The following BAIAP2L1 variants were observed in gnomAD, a reference collection of about 807,000 sequenced individuals.
BAIAP2L1 encodes the protein BAR/IMD domain containing adaptor protein 2 like 1.
In BAIAP2L1, 35 loss-of-function variants were observed where a neutral mutation model predicts 66.3. The ratio of observed to expected loss-of-function variants is 0.53; its 90% confidence interval spans 0.40 to 0.70. BAIAP2L1 has a LOEUF of 0.70. Among genes scored for constraint, BAIAP2L1 ranks in the 30% least tolerant of loss-of-function variants. The pLI, the probability that BAIAP2L1 is intolerant of heterozygous loss-of-function variation, is 0.00. For missense variants in BAIAP2L1, 622 were observed against 656.9 expected (o/e 0.95, Z 0.58); for synonymous variants, 269 against 248.7 (o/e 1.08, Z -0.77).
chr7:98,300,271 C>T (rs1800366318), intron 12 of BAIAP2L1, among the ~76,000 whole-genome samples: 1 of 152,132 alleles, frequency 6.6e-6, no homozygotes, highest in Non-Finnish European at 1.5e-5. Context: ...TCCCCCTGCT[C>T]CCTGCTCCCG....
chr7:98,349,601 A>G (rs916605385), intron 3 of BAIAP2L1, among the ~76,000 whole-genome samples: 1 of 151,974 alleles, frequency 6.6e-6, no homozygotes, highest in Admixed American at 6.6e-5. Context: ...GCCTGGGTGC[A>G]GTGGTTCACA....
intron 1 of BAIAP2L1, among the ~76,000 whole-genome samples, chr7:98,392,409 C>A (rs564196124): frequency 3.3e-5 from 5 of 152,076 alleles, no homozygotes; most frequent in Admixed American, 3.3e-4. Flanking sequence ...ACCATGCAGA[C>A]AACAGCATCA....
intron 1 of BAIAP2L1, among the ~76,000 whole-genome samples, chr7:98,396,181 C>T (rs1803204261): frequency 6.6e-6 from 1 of 152,082 alleles, no homozygotes; most frequent in African/African-American, 2.4e-5. Flanking sequence ...GTGATCCTCC[C>T]ACCTCAGCCT....
At chr7:98,328,947 A>G (rs538144219) in intron 3 of BAIAP2L1, among the ~76,000 whole-genome samples, 5 of 152,304 alleles carry the variant, frequency 3.3e-5, no homozygotes, top group Admixed American at 2.6e-4. Flanking sequence ...AAGGGAACAT[A>G]CCTGTAGAGT....
chr7:98,310,518 G>T lies in BAIAP2L1; in HGVS notation c.882C>A (p.Thr294=), dbSNP rs1485018811. The T allele has an allele frequency of 1.2e-6, 2 of 1,605,350 alleles. No homozygotes were observed. The highest frequency in any genetic ancestry group is 8.5e-7 in the Non-Finnish European group (1 of 1,177,334). The change falls in exon 9 of 14, where the codon ACC becomes ACA. Residue 294 remains threonine (T), a synonymous_variant. Transcript: ENST00000005260. ...MPPAPSGRAY[T]SPLIDMFNNP... ...TATTAAACATATCGATCAAGGGACT[G>T]GTATATGCTCTGCCTGAAGGAGCGG...
At chr7:98,360,175 G>A (rs1479215496) in intron 2 of BAIAP2L1, among the ~76,000 whole-genome samples, 2 of 151,968 alleles carry the variant, frequency 1.3e-5, no homozygotes, top group African/African-American at 4.8e-5. Flanking sequence ...TGCCCACCTC[G>A]GCCTCCCAAA....
chr7:98,331,609 C>G (rs1801497503), intron 3 of BAIAP2L1, among the ~76,000 whole-genome samples: 1 of 151,574 alleles, frequency 6.6e-6, no homozygotes. Flanking sequence ...GCTGGGATTA[C>G]AGGCATGCAC....
chr7:98,390,965 C>G (rs972200760), intron 1 of BAIAP2L1, among the ~76,000 whole-genome samples: 1 of 151,140 alleles, frequency 6.6e-6, no homozygotes, highest in Non-Finnish European at 1.5e-5. Context: ...TCTGGAGTAG[C>G]TGGGACTACA....
chr7:98,367,534 C>CT (rs1380227043), intron 1 of BAIAP2L1, among the ~76,000 whole-genome samples: 29,115 of 114,058 alleles, frequency 0.26, 4,478 homozygotes, highest in East Asian at 0.41. Flanking sequence ...CCACACCTGG[C>CT]TTTTTTTTTT....
intron 1 of BAIAP2L1, among the ~76,000 whole-genome samples, chr7:98,394,544 C>T (rs571871877): frequency 9.2e-5 from 14 of 152,040 alleles, no homozygotes; most frequent in African/African-American, 3.4e-4. Context: ...TTTGCACATA[C>T]CCACAGGAAT....
In BAIAP2L1 at chr7:98,304,266, C is replaced by T; in HGVS notation, c.1352G>A (p.Arg451Lys). 6.2e-7 allele frequency: 1 copy of T among 1,613,668 alleles called. No individual in the cohort carries two copies. Among genetic ancestry groups the T allele is most frequent in the East Asian group, 2.2e-5 (1 of 44,842 alleles). The part of the protein sequence containing the change: ...ECLSMGAAAD[R>K]RADSARTTST... ...TGTCGTCCTGGCCGAATCTGCTCTC[C>T]TGTCGGCAGCTGCCCCCATGGACAA... Residue 451 changes from arginine to lysine, a missense_variant, in exon 12 of 14, where the codon AGG becomes AAG. Arg to Lys is a conservative substitution (Grantham distance 26, BLOSUM62 2). Transcript: ENST00000005260.
intron 2 of BAIAP2L1, among the ~76,000 whole-genome samples, chr7:98,359,523 G>A (rs771223648): frequency 2.0e-5 from 3 of 152,022 alleles, no homozygotes; most frequent in African/African-American, 4.8e-5. Flanking sequence ...CGCCCGCTTC[G>A]GCCTCCCAGT....
At chr7:98,337,713 C>T (rs1801646051) in intron 3 of BAIAP2L1, among the ~76,000 whole-genome samples, 1 of 151,936 alleles carries the variant, frequency 6.6e-6, no homozygotes, top group African/African-American at 2.4e-5. Context: ...GTCAGGAGTT[C>T]GAGACCAGCC....
At chr7:98,344,547 T>C (rs898141209) in intron 3 of BAIAP2L1, among the ~76,000 whole-genome samples, 2 of 152,232 alleles carry the variant, frequency 1.3e-5, no homozygotes, top group African/African-American at 4.8e-5. Context: ...AATGTAGGTC[T>C]GACAGATTTG....
intron 1 of BAIAP2L1, chr7:98,399,927 G>A (rs1376409749): frequency 6.6e-6 from 1 of 152,182 alleles, no homozygotes; most frequent in African/African-American, 2.4e-5. Context: ...GGTGGGAGAG[G>A]AAGGGTCTAA....
chr7:98,357,043 ATATATATTTTT>A (rs1195943320), intron 2 of BAIAP2L1, among the ~76,000 whole-genome samples: 4 of 16,762 alleles, frequency 2.4e-4, no homozygotes, highest in East Asian at 2.6e-3. Context: ...ATATATATAT[ATATATATTTTT>A]TTTTTTTTTT....
chr7:98,386,644 C>CT lies in BAIAP2L1; in HGVS notation c.51+14157dup, dbSNP rs909391686. 1.5e-4 allele frequency: 166 copies of CT among 1,105,124 alleles called. 1 individual carries two copies. The highest frequency in any genetic ancestry group is 7.9e-4 in the African/African-American group (47 of 59,350). 68.5% of individuals were successfully genotyped at this position (1,105,124 alleles called of 1,614,324 possible). ...ATTTCTACAATGTTCTTTCCGAGAA[C>CT]TTTTTTTTGTCTCTCATCGACTTCT... On this transcript the variant is annotated intron_variant, in intron 1 of 13. Transcript: ENST00000005260.
At chr7:98,346,757 G>A (rs1164169526) in intron 3 of BAIAP2L1, among the ~76,000 whole-genome samples, 2 of 152,106 alleles carry the variant, frequency 1.3e-5, no homozygotes, top group Non-Finnish European at 2.9e-5. Flanking sequence ...GTAACTACAA[G>A]AGAAACTGCT....
intron 3 of BAIAP2L1, among the ~76,000 whole-genome samples, chr7:98,341,212 C>T (rs3779197): frequency 0.012 from 1,899 of 152,232 alleles, 25 homozygotes; most frequent in South Asian, 0.04. Context: ...ATTATAAATG[C>T]TTCTAAGTAA....
Sources: gnomAD v4.1 joint callset for allele counts (sites outside exome capture counted in the v4.1 genomes callset) on GRCh38, gnomAD v4.1.1 for gene constraint, MANE v1.5 for transcripts, NCBI Gene and HGNC (gene_info 2026-07-23, HGNC 2026-07-21) for gene names.